The following EPHA4 variants were observed in gnomAD, a reference collection of about 807,000 sequenced individuals.
The protein encoded by EPHA4 is ephrin type-A receptor 4.
EPHA4 carries 19 observed loss-of-function variants against 108.3 expected under a neutral mutation model. The ratio of observed to expected loss-of-function variants is 0.18; its 90% CI spans 0.12 to 0.26. EPHA4 has a LOEUF of 0.26. Among genes scored for constraint, EPHA4 ranks in the 10% least tolerant of loss-of-function variants. The pLI, the probability that EPHA4 is intolerant of heterozygous loss-of-function variation, is 1.00. For synonymous variants in EPHA4, 449 were observed against 455.5 expected (o/e 0.99, Z 0.18); for missense variants, 917 against 1,254.0 (o/e 0.73, Z 4.06).
chr2:221,509,717 C>A (rs1429298185), intron 3 of EPHA4, among the ~76,000 whole-genome samples: 1 of 152,112 alleles, frequency 6.6e-6, no homozygotes, highest in Admixed American at 6.5e-5. Flanking sequence ...TCACAGACAA[C>A]AACAGCAAGA....
rs76007988 is a variant in EPHA4, at chr2:221,570,965, G to C, written c.91+1193C>G. Among the ~76,000 whole-genome samples, 326 of 152,312 alleles carry C rather than the reference G, an allele frequency of 2.1e-3. 1 individual carries two copies. Among genetic ancestry groups the C allele is most frequent in the Non-Finnish European group, 3.8e-3 (256 of 68,026 alleles). ...TGGATGCCGGAAAGGAGAAGAATGAGAGACGGATGTGAGACTAGATGCACG... is the reference window on the plus strand; with the variant it reads ...TGGATGCCGGAAAGGAGAAGAATGACAGACGGATGTGAGACTAGATGCACG... On this transcript the variant is annotated intron_variant, in intron 1 of 17. Transcript: ENST00000281821.
At chr2:221,444,642 A>G (rs775425870) in intron 9 of EPHA4, among the ~76,000 whole-genome samples, 11 of 152,100 alleles carry the variant, frequency 7.2e-5, no homozygotes, top group Non-Finnish European at 1.3e-4. Flanking sequence ...GAATAAATGG[A>G]AAGTTGTTAG....
At chr2:221,538,766 TG>T (rs1248641547) in intron 3 of EPHA4, among the ~76,000 whole-genome samples, 1 of 152,234 alleles carries the variant, frequency 6.6e-6, no homozygotes, top group African/African-American at 2.4e-5. Context: ...AAATACATGA[TG>T]TATTCGGTGA....
chr2:221,434,429 A>G, intron 13 of EPHA4, 138 bp from the exon 14 acceptor site: 2 of 863,028 alleles, frequency 2.3e-6, no homozygotes, highest in Non-Finnish European at 3.5e-6. Flanking sequence ...ACACTTGTTC[A>G]TTTTAACGCA....
chr2:221,545,648 G>A (rs2710491), intron 3 of EPHA4, among the ~76,000 whole-genome samples: 89,945 of 151,938 alleles, frequency 0.59, 27,416 homozygotes, highest in African/African-American at 0.75. Context: ...CTGAAACTAA[G>A]GATGGAATAA....
chr2:221,562,336 G>A (rs1303622879), intron 3 of EPHA4, among the ~76,000 whole-genome samples: 1 of 151,934 alleles, frequency 6.6e-6, no homozygotes, highest in East Asian at 1.9e-4. Flanking sequence ...AAGCAGGAAT[G>A]CCACTTCAGA....
At chr2:221,424,761 C>T (rs144874317) in intron 17 of EPHA4, among the ~76,000 whole-genome samples, 19 of 152,270 alleles carry the variant, frequency 1.2e-4, no homozygotes, top group African/African-American at 4.6e-4. Context: ...GGAAAAGTCT[C>T]GCCAGTACTT....
chr2:221,530,299 T>G (rs1399683336), intron 3 of EPHA4, among the ~76,000 whole-genome samples: 3 of 152,226 alleles, frequency 2.0e-5, no homozygotes, highest in Non-Finnish European at 4.4e-5. Context: ...GTATAAACAT[T>G]AAGGCAAAGA....
chr2:221,513,625 C>T (rs1167336416), intron 3 of EPHA4, among the ~76,000 whole-genome samples: 1 of 152,068 alleles, frequency 6.6e-6, no homozygotes. Context: ...AATCCTGGCT[C>T]CTCTGATGGG....
chr2:221,433,867 T>G (rs547715760), intron 14 of EPHA4, among the ~76,000 whole-genome samples: 1 of 152,344 alleles, frequency 6.6e-6, no homozygotes, highest in Non-Finnish European at 1.5e-5. Flanking sequence ...GTTTTGAAAG[T>G]TCACCAAGTA....
intron 3 of EPHA4, among the ~76,000 whole-genome samples, chr2:221,543,154 C>T (rs1175134722): frequency 2.6e-5 from 4 of 152,106 alleles, no homozygotes; most frequent in African/African-American, 9.7e-5. Flanking sequence ...ATTAAGGCTA[C>T]ATTTTAAAAC....
intron 3 of EPHA4, among the ~76,000 whole-genome samples, chr2:221,526,100 C>T (rs1229432737): frequency 1.3e-5 from 2 of 152,108 alleles, no homozygotes; most frequent in Non-Finnish European, 2.9e-5. Flanking sequence ...ATAAGACACT[C>T]TTATGAATAA....
chr2:221,427,526 A>T (rs1395989242), intron 15 of EPHA4, among the ~76,000 whole-genome samples: 1 of 152,186 alleles, frequency 6.6e-6, no homozygotes, highest in Non-Finnish European at 1.5e-5. Context: ...ACCATAGAGC[A>T]GGCCTTCATG....
At chr2:221,426,992 T>G (rs1230678566) in intron 15 of EPHA4, among the ~76,000 whole-genome samples, 1 of 152,174 alleles carries the variant, frequency 6.6e-6, no homozygotes, top group Non-Finnish European at 1.5e-5. Context: ...TACTGAATAT[T>G]ACAGACTTTC....
chr2:221,555,449 A>T (rs2106202023), intron 3 of EPHA4, among the ~76,000 whole-genome samples: 1 of 152,358 alleles, frequency 6.6e-6, no homozygotes, highest in African/African-American at 2.4e-5. Context: ...CAGACAGCTG[A>T]CGACCTGCAT....
intron 3 of EPHA4, among the ~76,000 whole-genome samples, chr2:221,560,739 A>G (rs1208314840): frequency 6.6e-6 from 1 of 152,188 alleles, no homozygotes; most frequent in Admixed American, 6.5e-5. Context: ...TTATCATCCC[A>G]TTTTATGGAT....
chr2:221,433,248 C>T (rs1690136288), intron 14 of EPHA4, among the ~76,000 whole-genome samples: 1 of 152,170 alleles, frequency 6.6e-6, no homozygotes, highest in African/African-American at 2.4e-5. Flanking sequence ...GGATAGGTAA[C>T]ATTCCACCAC....
rs376714233 is a variant in EPHA4, at chr2:221,456,719, A to G, written c.1497T>C (p.Asp499=). 1 of 1,613,866 alleles carries G rather than the reference A, an allele frequency of 6.2e-7. No homozygotes were observed. Among genetic ancestry groups the G allele is most frequent in the African/African-American group, 1.3e-5 (1 of 74,900 alleles). Reference sequence around the variant, plus strand: ...AAGTGAGAGGGTTCAGGCCTTTGATATCTGTGTTCCTGGCAGCTGTCCGAA... The same window carrying G: ...AAGTGAGAGGGTTCAGGCCTTTGATGTCTGTGTTCCTGGCAGCTGTCCGAA... The part of the protein sequence containing the change: ...RIVRTAARNT[D]IKGLNPLTSY... Residue 499 remains aspartate (D), a synonymous_variant, in exon 7 of 18, where the codon GAT becomes GAC. Coordinates refer to ENST00000281821, the MANE Select transcript of EPHA4 (RefSeq NM_004438.5).
At chr2:221,455,717 T>G in intron 7 of EPHA4, 59 bp from the exon 8 acceptor site, 2 of 1,241,382 alleles carry the variant, frequency 1.6e-6, no homozygotes, top group South Asian at 2.5e-5. Context: ...GTAGAACTTC[T>G]GAATGGGTCA....
Sources: allele counts gnomAD v4.1 joint callset (sites outside exome capture counted in the v4.1 genomes callset), GRCh38; gene constraint gnomAD v4.1.1; transcripts MANE v1.5; gene names NCBI Gene and HGNC (gene_info 2026-07-23, HGNC 2026-07-21).